Variants in MEGF8 observed in about 807,000 individuals in gnomAD.
MEGF8 encodes the protein multiple epidermal growth factor-like domains protein 8.
MEGF8 carries 156 observed loss-of-function variants against 302.9 expected under a neutral mutation model. The ratio of observed to expected loss-of-function variants is 0.52; its 90% confidence interval spans 0.45 to 0.59. MEGF8 has a LOEUF of 0.59. Ranked by LOEUF, MEGF8 falls within the 20% of genes least tolerant of loss-of-function variation. The probability of loss-of-function intolerance (pLI) is 0.00; values close to 1 mark genes in which losing one functional copy is unlikely to be tolerated. For missense variants in MEGF8, 3,345 were observed against 3,964.5 expected, an observed-to-expected ratio of 0.84 and a Z score of 4.20; for synonymous variants, 1,621 against 1,660.5, an observed-to-expected ratio of 0.98 and a Z score of 0.58.
At chr19:42,334,527 G>C (rs1309109640) in intron 3 of MEGF8, among the ~76,000 whole-genome samples, 1 of 152,040 alleles carries the variant, frequency 6.6e-6, no homozygotes, top group Non-Finnish European at 1.5e-5. Context: ...CACTCTGTGT[G>C]GCCTTGGACC....
At chr19:42,327,275 T>C (rs2038997199) in intron 1 of MEGF8, among the ~76,000 whole-genome samples, 1 of 152,220 alleles carries the variant, frequency 6.6e-6, no homozygotes. Context: ...CCATTGGACA[T>C]AGCCCAGACT....
In MEGF8 at chr19:42,376,862, C is replaced by G. The variant is rs1232351003; in HGVS notation, c.*87C>G. ...GTCCCTCCACCTGGGGGCCCCTGGA[C>G]ACTGTCTACTTGGAGACCACTGGCC... On this transcript the variant is annotated 3_prime_UTR_variant, in exon 42 of 42. Transcript: ENST00000251268. The surrounding 1 kb of genome is among the most constrained non-coding windows in gnomAD (Gnocchi z 8.2). The G allele has an allele frequency of 1.5e-6, 2 of 1,374,472 alleles. No individual in the cohort carries two copies. The highest frequency in any genetic ancestry group is 3.0e-5 in the African/African-American group (2 of 67,524). 85.1% of individuals were successfully genotyped at this position (1,374,472 alleles called of 1,614,324 possible).
In MEGF8 at chr19:42,358,773, C is replaced by T. The variant is rs1392225422; in HGVS notation, c.5176-14C>T. On this transcript the variant is annotated splice_polypyrimidine_tract_variant and intron_variant, in intron 29 of 41. Coordinates refer to ENST00000251268, the MANE Select transcript of MEGF8 (RefSeq NM_001271938.2). The surrounding 1 kb of genome is among the most constrained non-coding windows in gnomAD (Gnocchi z 4.4). The stretch of plus-strand genomic sequence containing the variant: ...CGAGGAGCCTCAACCCCAGGACGCC[C>T]CCACTGTCACTAGCGAGATCGTATG... 1 of 1,516,590 alleles carries T rather than the reference C, an allele frequency of 6.6e-7. No individual in the cohort carries two copies. Among genetic ancestry groups the T allele is most frequent in the Non-Finnish European group, 8.8e-7 (1 of 1,132,902 alleles). 93.9% of individuals were successfully genotyped at this position (1,516,590 alleles called of 1,614,324 possible). A position where few individuals can be genotyped will look rare whatever the true frequency, so the allele number is the denominator to read the frequency against.
Position 42,348,239 on chromosome 19 carries a change from G to T in MEGF8, c.2098-33G>T, listed in dbSNP as rs1251270309. On this transcript the variant is annotated intron_variant, in intron 12 of 41. Coordinates refer to ENST00000251268, the MANE Select transcript of MEGF8 (RefSeq NM_001271938.2). ...GATGTGGCCTGTGAGTCCAGAAAGG[G>T]ACTCACACATACACCCATCCCTGGT... 3 of 1,511,142 alleles carry T rather than the reference G, an allele frequency of 2.0e-6. No homozygotes were observed. The African/African-American group carries it at 4.1e-5, about 21-fold the overall frequency. The allele number at this position is 1,511,142 out of a possible 1,614,324, so 93.6% of individuals were successfully genotyped here. A position where few individuals can be genotyped will look rare whatever the true frequency, so the allele number is the denominator to read the frequency against.
In MEGF8 at chr19:42,336,937, T is replaced by C; in HGVS notation, c.1375T>C (p.Tyr459His). 6.2e-7 allele frequency: 1 copy of C among 1,613,884 alleles called. No individual in the cohort carries two copies. The highest frequency in any genetic ancestry group is 8.5e-7 in the Non-Finnish European group (1 of 1,179,838). The change falls in exon 7 of 42, where the codon TAC (tyrosine) becomes CAC (histidine). Residue 459 changes from tyrosine to histidine, a missense_variant. Coordinates refer to ENST00000251268, the MANE Select transcript of MEGF8 (RefSeq NM_001271938.2). The surrounding 1 kb of genome is among the most constrained non-coding windows in gnomAD (Gnocchi z 4.8). Reference sequence around the variant, plus strand: ...CCACACAGCCAGTGTTCTGGGCAATTACATGGTGGTCTATGGTGAGGAGGC... The same window carrying C: ...CCACACAGCCAGTGTTCTGGGCAATCACATGGTGGTCTATGGTGAGGAGGC... ...AFHTASVLGN[Y>H]MVVYGGNVHT...
chr19:42,373,439 C>T (rs2039720283), intron 41 of MEGF8, among the ~76,000 whole-genome samples: 1 of 150,712 alleles, frequency 6.6e-6, no homozygotes. Context: ...CTGGCTCTTT[C>T]ACCCAGGCTA....
At chr19:42,333,080 T>G (rs964905908) in intron 1 of MEGF8, among the ~76,000 whole-genome samples, 11 of 152,202 alleles carry the variant, frequency 7.2e-5, no homozygotes, top group South Asian at 2.1e-4. Flanking sequence ...AGGGGAACTA[T>G]GCCGCTCCAA....
chr19:42,335,400 T>G lies in MEGF8; in HGVS notation c.828+15T>G. 1 of 1,612,908 alleles carries G rather than the reference T, an allele frequency of 6.2e-7. No homozygotes were observed. The highest frequency in any genetic ancestry group is 1.1e-5 in the South Asian group (1 of 91,060). Reference sequence around the variant, plus strand: ...GTCCTGCCCCGGTATGGACCCCTCCTCTGCCCTGGAGGAGCCTTTCCACTC... The same window carrying G: ...GTCCTGCCCCGGTATGGACCCCTCCGCTGCCCTGGAGGAGCCTTTCCACTC... On this transcript the variant is annotated intron_variant, in intron 5 of 41. Transcript: ENST00000251268.
chr19:42,343,683 G>C lies in MEGF8; in HGVS notation c.1668+52G>C, dbSNP rs2039246992. 2.0e-6 allele frequency: 3 copies of C among 1,531,656 alleles called. No individual in the cohort carries two copies. In the East Asian group the frequency reaches 7.1e-5, roughly 36 times the overall value. 94.9% of individuals were successfully genotyped at this position (1,531,656 alleles called of 1,614,324 possible). A position where few individuals can be genotyped will look rare whatever the true frequency, so the allele number is the denominator to read the frequency against. ...GTGGCTGGGGGGAGGAGGTAGCAGGGTTTCCACAGGTGAGGGGAAAGGCAG... is the reference window on the plus strand; with the variant it reads ...GTGGCTGGGGGGAGGAGGTAGCAGGCTTTCCACAGGTGAGGGGAAAGGCAG... On this transcript the variant is annotated intron_variant, in intron 9 of 41. Transcript: ENST00000251268.
In MEGF8 at chr19:42,344,573, C is replaced by T. The variant is rs1555781030; in HGVS notation, c.1921C>T (p.Leu641Phe). ...LGWCVHNESC[L>F]PRPEQARCRG... The stretch of plus-strand genomic sequence containing the variant: ...CTGGTGCGTGCACAATGAGAGCTGC[C>T]TCCCTAGGCCTGGTGAGTGTCCGCA... The change falls in exon 11 of 42, where the codon CTC (leucine) becomes TTC (phenylalanine). Residue 641 changes from leucine (L) to phenylalanine (F), a missense_variant. Physicochemically the swap from Leu to Phe is conservative, Grantham distance 22. Coordinates refer to ENST00000251268, the MANE Select transcript of MEGF8 (RefSeq NM_001271938.2). The surrounding 1 kb of genome is among the most constrained non-coding windows in gnomAD (Gnocchi z 4.5). The T allele has an allele frequency of 1.3e-6, 2 of 1,594,300 alleles. No homozygotes were observed. The highest frequency in any genetic ancestry group is 1.1e-5 in the South Asian group (1 of 90,336).
At chr19:42,366,079 C>T (rs764974581) in intron 35 of MEGF8, among the ~76,000 whole-genome samples, 20 of 151,870 alleles carry the variant, frequency 1.3e-4, no homozygotes, top group Non-Finnish European at 2.8e-4. Flanking sequence ...GAGACTCCGT[C>T]TAAAGAAAAA....
chr19:42,329,872 A>AG (rs2039033201), intron 1 of MEGF8, among the ~76,000 whole-genome samples: 1 of 149,814 alleles, frequency 6.7e-6, no homozygotes, highest in South Asian at 2.1e-4. Context: ...ACCCTGTCTC[A>AG]GGGAAAAAAA....
In MEGF8 at chr19:42,351,708, G is replaced by A; in HGVS notation, c.3048G>A (p.Leu1016=). 6.3e-7 allele frequency: 1 copy of A among 1,595,858 alleles called. No individual in the cohort carries two copies. Among genetic ancestry groups the A allele is most frequent in the Admixed American group, 1.7e-5 (1 of 57,396 alleles). ...GCTTCCTGACCTGCCATGAGTGTCTGCAGAGCCACGAGTGTGGCTGGTGTG... is the reference window on the plus strand; with the variant it reads ...GCTTCCTGACCTGCCATGAGTGTCTACAGAGCCACGAGTGTGGCTGGTGTG... ...CDGFLTCHEC[L]QSHECGWCGN... The change falls in exon 18 of 42, where the codon CTG becomes CTA. Residue 1016 remains leucine (L), a synonymous_variant. Coordinates refer to ENST00000251268, the MANE Select transcript of MEGF8 (RefSeq NM_001271938.2). This position sits in a 1 kb window ranked among gnomAD's most constrained non-coding sequence, Gnocchi z 5.6.
chr19:42,363,132 C>G lies in MEGF8; in HGVS notation c.6143C>G (p.Pro2048Arg). Residue 2048 changes from proline (P) to arginine (R), a missense_variant, in exon 35 of 42, where the codon CCG (proline) becomes CGG (arginine). By Grantham distance (103) the Pro-to-Arg change is moderately radical. Transcript: ENST00000251268. ...SHSLLNVSPMPVESSPPLPCP... is the reference protein window; with the variant it reads ...SHSLLNVSPMRVESSPPLPCP... ...TCTCTGCTGAATGTGTCCCCCATGC[C>G]GGTGGAATCATCACCCCCACTGCCC... The G allele has an allele frequency of 6.2e-7, 1 of 1,613,026 alleles. No homozygotes were observed. The highest frequency in any genetic ancestry group is 8.5e-7 in the Non-Finnish European group (1 of 1,179,484).
In MEGF8 at chr19:42,376,131, G is replaced by A. The variant is rs748313683; in HGVS notation, c.7894G>A (p.Asp2632Asn). 11 of 1,608,288 alleles carry A rather than the reference G, an allele frequency of 6.8e-6. No homozygotes were observed. The highest frequency in any genetic ancestry group is 3.3e-5 in the South Asian group (3 of 91,086). ...PSGPGANGSA[D>N]SQGLLFFRQD... is the part of the protein sequence containing the mutation. ...TGGGCCCGGCGCCAACGGCTCAGCC[G>A]ACTCGCAGGGCCTGCTCTTCTTCCG... Residue 2632 changes from aspartate (D) to asparagine (N), a missense_variant, in exon 42 of 42, where the codon GAC becomes AAC. By Grantham distance (23) the Asp-to-Asn change is conservative. Coordinates refer to ENST00000251268, the MANE Select transcript of MEGF8 (RefSeq NM_001271938.2). This position sits in a 1 kb window ranked among gnomAD's most constrained non-coding sequence, Gnocchi z 8.2.
chr19:42,352,091 C>G lies in MEGF8; in HGVS notation c.3102-117C>G. 1 of 1,327,946 alleles carries G rather than the reference C, an allele frequency of 7.5e-7. No individual in the cohort carries two copies. Among genetic ancestry groups the G allele is most frequent in the East Asian group, 2.6e-5 (1 of 39,130 alleles). The allele number at this position is 1,327,946 out of a possible 1,614,324, so 82.3% of individuals were successfully genotyped here. The stretch of plus-strand genomic sequence containing the variant: ...CTCCTGGTTTCTCTGTCTCTCTTTC[C>G]AAATTTGTATTTGCATCCCTCTCCT... On this transcript the variant is annotated intron_variant, in intron 18 of 41. Coordinates refer to ENST00000251268, the MANE Select transcript of MEGF8 (RefSeq NM_001271938.2). The surrounding 1 kb of genome is among the most constrained non-coding windows in gnomAD (Gnocchi z 4.4).
In MEGF8 at chr19:42,359,168, AC is replaced by A. The variant is rs746753312; in HGVS notation, c.5417del (p.Pro1806LeufsTer65). 1.3e-6 allele frequency: 2 copies of A among 1,592,698 alleles called. No homozygotes were observed. The highest frequency in any genetic ancestry group is 1.7e-6 in the Non-Finnish European group (2 of 1,170,044). On this transcript the variant is annotated frameshift_variant, in exon 31 of 42. Coordinates refer to ENST00000251268, the MANE Select transcript of MEGF8 (RefSeq NM_001271938.2). LOFTEE classifies it high-confidence loss of function. ...DTMVVLGGRS[D>X]PDEFSSDVLL... ...ATGGTGGTTCTTGGGGGGCGCTCGG[AC>A]CCTGACGAGTTCAGCAGCGACGTTC...
At position 42,351,764 on chromosome 19, in the gene MEGF8, G is replaced by T; in HGVS notation, c.3101+3G>T. On this transcript the variant is annotated splice_donor_region_variant and intron_variant, in intron 18 of 41. Transcript: ENST00000251268. The surrounding 1 kb of genome is among the most constrained non-coding windows in gnomAD (Gnocchi z 5.6). ...GAGGACAACCCCACACTGGGACGGT[G>T]AGCCCGGGCAGGTGGGTGGGCAGGG... The T allele has an allele frequency of 6.4e-7, 1 of 1,567,818 alleles. No homozygotes were observed. Among genetic ancestry groups the T allele is most frequent in the South Asian group, 1.2e-5 (1 of 85,152 alleles).
chr19:42,357,062 C>T lies in MEGF8; in HGVS notation c.4830+81C>T. The T allele has an allele frequency of 1.5e-6, 2 of 1,371,268 alleles. No individual in the cohort carries two copies. Among genetic ancestry groups the T allele is most frequent in the Non-Finnish European group, 2.0e-6 (2 of 1,017,570 alleles). 84.9% of individuals were successfully genotyped at this position (1,371,268 alleles called of 1,614,324 possible). A position where few individuals can be genotyped will look rare whatever the true frequency, so the allele number is the denominator to read the frequency against. ...CAGCTGTGGTAGCTCCTGCCAGCTC[C>T]ATCCCCAGAGGAAACAGAAGCCCCA... On this transcript the variant is annotated intron_variant, in intron 27 of 41. Transcript: ENST00000251268. This position sits in a 1 kb window ranked among gnomAD's most constrained non-coding sequence, Gnocchi z 5.2.
Sources: allele counts gnomAD v4.1 joint callset (sites outside exome capture counted in the v4.1 genomes callset), GRCh38; gene constraint gnomAD v4.1.1; non-coding constraint Gnocchi (gnomAD v3.1); transcripts MANE v1.5; gene names NCBI Gene and HGNC (gene_info 2026-07-23, HGNC 2026-07-21).